Variants in MCF2 observed in about 807,000 individuals in gnomAD.
The protein encoded by MCF2 is MCF.2 cell line derived transforming sequence.
MCF2 carries 44 observed loss-of-function variants against 82.5 expected under a neutral mutation model. The observed-to-expected ratio is 0.53, with a 90% confidence interval of 0.42 to 0.69. The LOEUF is 0.69. Among genes scored for constraint, MCF2 ranks in the 30% least tolerant of loss-of-function variants. The pLI is 0.00. For synonymous variants in MCF2, 217 were observed against 224.9 expected (o/e 0.96, Z 0.32); for missense variants, 623 against 663.1 (o/e 0.94, Z 0.66).
At chrX:139,695,271 C>A (rs1935359819) in intron 1 of MCF2, among the ~76,000 whole-genome samples, 1 of 111,383 alleles carries the variant, frequency 9.0e-6, no homozygotes, top group African/African-American at 3.3e-5. Flanking sequence ...CTAAGGTGAT[C>A]TGCCCGCCTC....
chrX:139,596,576 C>T, exon 19 of MCF2: 3 of 1,208,662 alleles, frequency 2.5e-6, no homozygotes, highest in East Asian at 3.0e-5. Context: ...AACTGTATGA[C>T]GGGTATCTGT....
intron 19 of MCF2, among the ~76,000 whole-genome samples, chrX:139,591,829 C>T (rs761888025): frequency 1.0e-4 from 11 of 109,129 alleles, no homozygotes; most frequent in Non-Finnish European, 1.5e-4. Flanking sequence ...GTGCCCCAAA[C>T]CTAAACATCA....
intron 23 of MCF2, among the ~76,000 whole-genome samples, chrX:139,586,034 C>T (rs1436253628): frequency 9.0e-6 from 1 of 111,561 alleles, no homozygotes; most frequent in Non-Finnish European, 1.9e-5. Flanking sequence ...CCAAACTTGA[C>T]CATGCATCAA....
chrX:139,665,319 G>A (rs1045144648), intron 1 of MCF2, among the ~76,000 whole-genome samples: 4 of 111,765 alleles, frequency 3.6e-5, no homozygotes, highest in Admixed American at 1.9e-4. Flanking sequence ...CCATGGCAGC[G>A]AGCTTGCTGG....
chrX:139,584,128 C>CATT (rs1184841644), intron 24 of MCF2, among the ~76,000 whole-genome samples: 20 of 72,626 alleles, frequency 2.8e-4, no homozygotes, highest in African/African-American at 9.6e-4. Flanking sequence ...TGCCATTATC[C>CATT]TTTTTTTTTT....
chrX:139,642,883 A>T, exon 1 of MCF2: 1 of 865,358 alleles, frequency 1.2e-6, no homozygotes, highest in Non-Finnish European at 1.4e-6. Flanking sequence ...CTCTCTTCCT[A>T]GGAGCAGGCT....
intron 18 of MCF2, 91 bp from the exon 23 acceptor site, chrX:139,596,861 A>G (rs1464965497): frequency 1.7e-6 from 1 of 587,425 alleles, no homozygotes; most frequent in East Asian, 3.3e-5. Flanking sequence ...TAAGCTACTC[A>G]AACCCTGAAG....
intron 1 of MCF2, among the ~76,000 whole-genome samples, chrX:139,663,021 A>G (rs1341377481): frequency 8.9e-5 from 10 of 111,908 alleles, no homozygotes; most frequent in Non-Finnish European, 1.7e-4. Context: ...TATATGCCAC[A>G]TTTTCTTTAT....
At chrX:139,603,641 C>G (rs1411334194) in intron 15 of MCF2, among the ~76,000 whole-genome samples, 2 of 111,473 alleles carry the variant, frequency 1.8e-5, no homozygotes, top group Non-Finnish European at 3.8e-5. Flanking sequence ...CGAGACCATC[C>G]TCGCTAACAC....
At chrX:139,674,502 T>C (rs1238525261) in intron 1 of MCF2, among the ~76,000 whole-genome samples, 1 of 112,203 alleles carries the variant, frequency 8.9e-6, no homozygotes, top group Non-Finnish European at 1.9e-5. Context: ...TCAAGAGCTC[T>C]TGTAAGGCAG....
At chrX:139,635,206 T>C (rs1465058284) in intron 1 of MCF2, among the ~76,000 whole-genome samples, 1 of 111,534 alleles carries the variant, frequency 9.0e-6, no homozygotes, top group Non-Finnish European at 1.9e-5. Flanking sequence ...AGCAGCAGAT[T>C]GCCAAGAGCC....
At chrX:139,582,106 G>T (rs2148374600) in exon 25 of MCF2, 1 of 240,458 alleles carries the variant, frequency 4.2e-6, no homozygotes, top group African/African-American at 2.9e-5. Context: ...CTTGACCTTA[G>T]CCATTTTGCA....
chrX:139,589,213 T>C (rs768626007), intron 20 of MCF2, among the ~76,000 whole-genome samples: 3 of 111,855 alleles, frequency 2.7e-5, no homozygotes, highest in Non-Finnish European at 5.6e-5. Context: ...TATTATATCT[T>C]AAGCAAGCCA....
At chrX:139,639,816 G>T (rs1681203798) in intron 1 of MCF2, among the ~76,000 whole-genome samples, 1 of 111,306 alleles carries the variant, frequency 9.0e-6, no homozygotes, top group African/African-American at 3.3e-5. Flanking sequence ...ATAAAAGTTT[G>T]GTTACTTACT....
chrX:139,651,733 G>A (rs764388031), exon 2 of MCF2: 88 of 1,156,911 alleles, frequency 7.6e-5, no homozygotes, highest in South Asian at 1.7e-4. Context: ...ACAAGAAGGC[G>A]ATGTCTTGCA....
chrX:139,622,796 A>G (rs1442158734), intron 6 of MCF2, among the ~76,000 whole-genome samples: 1 of 110,253 alleles, frequency 9.1e-6, no homozygotes, highest in Non-Finnish European at 1.9e-5. Context: ...ACAAGTTAAT[A>G]GGTGTAGCAC....
chrX:139,584,109 G>C (rs1340864101), intron 24 of MCF2, among the ~76,000 whole-genome samples: 1 of 102,560 alleles, frequency 9.8e-6, no homozygotes, highest in Non-Finnish European at 2.0e-5. Context: ...ACAGCTTTGT[G>C]ATTATCCATG....
chrX:139,632,781 C>G (rs911928393), intron 1 of MCF2, among the ~76,000 whole-genome samples: 2 of 111,319 alleles, frequency 1.8e-5, no homozygotes, highest in African/African-American at 6.5e-5. Flanking sequence ...CCTATAAAAA[C>G]AAATAGAATT....
At chrX:139,584,172 G>C (rs1208472676) in intron 24 of MCF2, among the ~76,000 whole-genome samples, 1 of 55,219 alleles carries the variant, frequency 1.8e-5, no homozygotes, top group African/African-American at 7.6e-5. Flanking sequence ...TTTCGCTCTT[G>C]TTGCCCAGGC....
Sources: allele counts gnomAD v4.1 joint callset (sites outside exome capture counted in the v4.1 genomes callset), GRCh38; gene constraint gnomAD v4.1.1; transcripts MANE v1.5; gene names NCBI Gene and HGNC (gene_info 2026-07-23, HGNC 2026-07-21).